The following PLXDC2 variants were observed in gnomAD, a reference collection of about 807,000 sequenced individuals.
PLXDC2 encodes the protein plexin domain containing 2, also known as plexin domain-containing protein 2.
Under a neutral mutation model 68.9 loss-of-function variants are expected in PLXDC2, and 40 were observed. The ratio of observed to expected loss-of-function variants is 0.58; its 90% CI spans 0.45 to 0.76. The LOEUF is 0.76. PLXDC2 is among the 30% of genes least tolerant of loss of function. PLXDC2 has a pLI of 0.00. For synonymous variants in PLXDC2, 243 were observed against 234.2 expected, an observed-to-expected ratio of 1.04 and a Z score of -0.34; for missense variants, 644 against 661.9, an observed-to-expected ratio of 0.97 and a Z score of 0.30.
At chr10:19,859,019 C>CGAGAGAGA (rs60326474) in intron 1 of PLXDC2, among the ~76,000 whole-genome samples, 1 of 130,942 alleles carries the variant, frequency 7.6e-6, no homozygotes, top group African/African-American at 2.7e-5. Flanking sequence ...AGAAAAGCAG[C>CGAGAGAGA]GAGAGAGAGA....
intron 7 of PLXDC2, among the ~76,000 whole-genome samples, chr10:20,168,340 A>G (rs758500371): frequency 1.3e-5 from 2 of 152,140 alleles, no homozygotes; most frequent in Admixed American, 6.6e-5. Flanking sequence ...CCTAGCAGAG[A>G]GTAAGTAGTA....
intron 1 of PLXDC2, among the ~76,000 whole-genome samples, chr10:19,859,457 T>C (rs1289703239): frequency 6.6e-6 from 1 of 152,180 alleles, no homozygotes; most frequent in African/African-American, 2.4e-5. Flanking sequence ...ATTATTTTCA[T>C]ATTACATATT....
intron 3 of PLXDC2, among the ~76,000 whole-genome samples, chr10:20,054,261 C>T (rs927424266): frequency 2.0e-5 from 3 of 151,764 alleles, no homozygotes; most frequent in African/African-American, 4.8e-5. Context: ...AGGTTTGATC[C>T]GTATTGAGGA....
chr10:20,070,820 A>G (rs916002930), intron 4 of PLXDC2: 2 of 152,218 alleles, frequency 1.3e-5, no homozygotes, highest in Non-Finnish European at 2.9e-5. Context: ...AATTTCTCAA[A>G]TTGTTTTATC....
chr10:20,157,989 C>G (rs549535890), intron 6 of PLXDC2, among the ~76,000 whole-genome samples: 18 of 151,866 alleles, frequency 1.2e-4, no homozygotes, highest in Non-Finnish European at 2.4e-4. Context: ...CATACAGAGG[C>G]CCAGTTAAAA....
chr10:19,878,524 A>G (rs1837674568), intron 1 of PLXDC2, among the ~76,000 whole-genome samples: 1 of 152,246 alleles, frequency 6.6e-6, no homozygotes, highest in Non-Finnish European at 1.5e-5. Flanking sequence ...TGTGAATGAT[A>G]GAATTCCCAA....
intron 4 of PLXDC2, among the ~76,000 whole-genome samples, chr10:20,082,652 C>T (rs1836589654): frequency 6.6e-6 from 1 of 152,122 alleles, no homozygotes; most frequent in South Asian, 2.1e-4. Context: ...TCGTTATCCA[C>T]TAAAATATAA....
chr10:20,062,136 G>A (rs998867705), intron 3 of PLXDC2, among the ~76,000 whole-genome samples: 3 of 152,148 alleles, frequency 2.0e-5, no homozygotes, highest in Non-Finnish European at 2.9e-5. Flanking sequence ...GCTTTAAAAG[G>A]TTAAATAGGC....
chr10:20,040,217 C>T (rs186538418), intron 2 of PLXDC2, among the ~76,000 whole-genome samples: 156 of 152,266 alleles, frequency 1.0e-3, no homozygotes, highest in African/African-American at 3.7e-3. Flanking sequence ...TTCCCTCTCC[C>T]ACTTTGCTGT....
chr10:19,884,425 C>T (rs1394602758), intron 1 of PLXDC2, among the ~76,000 whole-genome samples: 1 of 151,980 alleles, frequency 6.6e-6, no homozygotes, highest in Non-Finnish European at 1.5e-5. Flanking sequence ...CATATGTATA[C>T]ATGTGACATG....
chr10:19,959,656 T>C (rs1056704500), intron 1 of PLXDC2, among the ~76,000 whole-genome samples: 2 of 152,222 alleles, frequency 1.3e-5, no homozygotes, highest in African/African-American at 4.8e-5. Flanking sequence ...CTTAGGTCTT[T>C]ATTTAAATCA....
chr10:20,081,275 T>A (rs1349609063), intron 4 of PLXDC2, among the ~76,000 whole-genome samples: 4 of 151,850 alleles, frequency 2.6e-5, no homozygotes, highest in Non-Finnish European at 5.9e-5. Context: ...GAATGCTATA[T>A]CCAGGGAGGG....
At chr10:20,246,463 C>G (rs1654092335) in intron 13 of PLXDC2, among the ~76,000 whole-genome samples, 1 of 152,220 alleles carries the variant, frequency 6.6e-6, no homozygotes, top group Admixed American at 6.5e-5. Context: ...AATTTTTGTG[C>G]ATCAGCCTCC....
chr10:20,014,890 ATT>A lies in PLXDC2; in HGVS notation c.324+12913_324+12914del, dbSNP rs397821935. Among the ~76,000 whole-genome samples, 106 of 151,022 alleles carry A rather than the reference ATT, an allele frequency of 7.0e-4. 4 individuals are homozygous for A. The South Asian group carries it at 0.021, about 31-fold the overall frequency. On this transcript the variant is annotated intron_variant, in intron 2 of 13. Transcript: ENST00000377252. ...AATGTTGAAACATTTCAAAGAGAAC[ATT>A]TTTTTTTTCCAGTTAGTGATCACTG... is the stretch of plus-strand genomic sequence containing the variant.
intron 1 of PLXDC2, among the ~76,000 whole-genome samples, chr10:19,920,388 C>CAG (rs1589536578): frequency 6.6e-6 from 1 of 152,208 alleles, no homozygotes; most frequent in East Asian, 1.9e-4. Context: ...ATAAAAACCC[C>CAG]AGAGACCATA....
At chr10:20,197,359 T>C (rs533279231) in intron 9 of PLXDC2, among the ~76,000 whole-genome samples, 2 of 147,230 alleles carry the variant, frequency 1.4e-5, no homozygotes, top group South Asian at 4.1e-4. Context: ...TGATTGTTTT[T>C]TGTTTGTTTG....
chr10:19,987,947 A>G (rs1026137616), intron 1 of PLXDC2, among the ~76,000 whole-genome samples: 1 of 152,292 alleles, frequency 6.6e-6, no homozygotes, highest in Non-Finnish European at 1.5e-5. Flanking sequence ...CATTTTATAT[A>G]TAACTTACAT....
At position 19,817,875 on chromosome 10, in the gene PLXDC2, A is replaced by G. The variant is rs1224075178; in HGVS notation, c.112+684A>G. 2.6e-5 allele frequency among the ~76,000 whole-genome samples: 4 copies of G among 152,130 alleles called. No homozygotes were observed. In the East Asian group the frequency reaches 7.7e-4, roughly 29 times the overall value. ...CCTGAACGCGCAGAGAGTTCCTTGG[A>G]GTGCCCTGATTTTGTCCCCGAGAGG... On this transcript the variant is annotated intron_variant, in intron 1 of 13. Transcript: ENST00000377252.
intron 2 of PLXDC2, among the ~76,000 whole-genome samples, chr10:20,026,497 A>G (rs1405206793): frequency 6.6e-6 from 1 of 152,180 alleles, no homozygotes; most frequent in African/African-American, 2.4e-5. Flanking sequence ...TCTTTTCAGG[A>G]AAGTGGTTCA....
Sources: gnomAD v4.1 joint callset for allele counts (sites outside exome capture counted in the v4.1 genomes callset) on GRCh38, gnomAD v4.1.1 for gene constraint, MANE v1.5 for transcripts, NCBI Gene and HGNC (gene_info 2026-07-23, HGNC 2026-07-21) for gene names.